IMPA2: variants seen among roughly 807,000 people sequenced by gnomAD.
The protein encoded by IMPA2 is inositol monophosphatase 2.
Under a neutral mutation model 35.1 loss-of-function variants are expected in IMPA2, and 32 were observed. The observed-to-expected ratio is 0.91, with a 90% CI of 0.69 to 1.23. The LOEUF (loss-of-function observed/expected upper bound fraction) is 1.23, where lower values mean the gene tolerates loss of function less well. Among genes scored for constraint, IMPA2 ranks in the 50% most tolerant of loss-of-function variants. The probability of loss-of-function intolerance (pLI) is 0.00; values close to 1 mark genes in which losing one functional copy is unlikely to be tolerated. For missense variants in IMPA2, 334 were observed against 387.6 expected (o/e 0.86, Z 1.16); for synonymous variants, 135 against 160.6 (o/e 0.84, Z 1.20).
At chr18:12,019,923 C>T (rs929276971) in intron 5 of IMPA2, among the ~76,000 whole-genome samples, 13 of 152,124 alleles carry the variant, frequency 8.5e-5, no homozygotes, top group African/African-American at 1.7e-4. Context: ...TTGCCCAGTC[C>T]GGAGTGTAGT....
At chr18:11,985,269 A>C (rs573053566) in intron 1 of IMPA2, among the ~76,000 whole-genome samples, 2 of 152,186 alleles carry the variant, frequency 1.3e-5, no homozygotes, top group African/African-American at 4.8e-5. Context: ...AAATACTGCA[A>C]ATATCACGAA....
intron 1 of IMPA2, among the ~76,000 whole-genome samples, chr18:11,997,772 T>C (rs1298032097): frequency 6.6e-6 from 1 of 152,138 alleles, no homozygotes; most frequent in Non-Finnish European, 1.5e-5. Context: ...AAATACAGGA[T>C]TCTGGGATGT....
At position 11,995,663 on chromosome 18, in the gene IMPA2, G is replaced by GGAGA. The variant is rs542857957; in HGVS notation, c.97-3389_97-3386dup. Reference sequence around the variant, plus strand: ...TTAGGAAGTGCGTCTGGCTGTGCCGGGAGAGTGGGTCTGAGTGCAGGAAGC... The same window carrying GGAGA: ...TTAGGAAGTGCGTCTGGCTGTGCCGGGAGAGAGAGTGGGTCTGAGTGCAGGAAGC... On this transcript the variant is annotated intron_variant, in intron 1 of 7. Coordinates refer to ENST00000269159, the MANE Select transcript of IMPA2 (RefSeq NM_014214.3). 4.7e-4 allele frequency among the ~76,000 whole-genome samples: 72 copies of GGAGA among 152,278 alleles called. 3 individuals are homozygous for GGAGA. In the East Asian group the frequency reaches 0.014, roughly 29 times the overall value.
At chr18:12,014,511 T>C in intron 5 of IMPA2, 138 bp downstream of exon 5, 1 of 564,544 alleles carries the variant, frequency 1.8e-6, no homozygotes, top group Non-Finnish European at 3.1e-6. Context: ...ATCGTGTCCC[T>C]GATGAACTGG....
chr18:12,005,274 A>G (rs1907219248), intron 2 of IMPA2, among the ~76,000 whole-genome samples: 1 of 152,216 alleles, frequency 6.6e-6, no homozygotes, highest in African/African-American at 2.4e-5. Flanking sequence ...TCAGCTGCTG[A>G]AAAACATCCA....
intron 1 of IMPA2, among the ~76,000 whole-genome samples, chr18:11,996,127 G>GT (rs1324983571): frequency 6.6e-6 from 1 of 152,194 alleles, no homozygotes; most frequent in East Asian, 1.9e-4. Flanking sequence ...ATGGGATATG[G>GT]TAAGTTGTAG....
At chr18:12,030,304 TG>T (rs1908010121) in intron 7 of IMPA2, 38 bp from the exon 8 acceptor site, 1 of 1,503,300 alleles carries the variant, frequency 6.7e-7, no homozygotes, top group Non-Finnish European at 9.3e-7. Flanking sequence ...CAGCCCTCTC[TG>T]GTAACCCGGA....
chr18:11,983,637 A>T (rs1013015337), intron 1 of IMPA2, among the ~76,000 whole-genome samples: 1 of 152,160 alleles, frequency 6.6e-6, no homozygotes, highest in African/African-American at 2.4e-5. Context: ...AGCTTTTTTT[A>T]AACGCTGGAG....
At chr18:12,018,985 G>A (rs1054293317) in intron 5 of IMPA2, among the ~76,000 whole-genome samples, 18 of 151,892 alleles carry the variant, frequency 1.2e-4, no homozygotes, top group African/African-American at 4.4e-4. Flanking sequence ...CACCATGCCC[G>A]GATAATTTAA....
At chr18:12,029,117 T>TC in intron 7 of IMPA2, 124 bp downstream of exon 7, 1 of 890,582 alleles carries the variant, frequency 1.1e-6, no homozygotes. Flanking sequence ...TGTTTTTTTT[T>TC]TTTTTTTTTT....
At chr18:11,987,471 C>T (rs1321492871) in intron 1 of IMPA2, among the ~76,000 whole-genome samples, 1 of 152,200 alleles carries the variant, frequency 6.6e-6, no homozygotes, top group Non-Finnish European at 1.5e-5. Context: ...GCTGGGTCTA[C>T]AGGCATGCGC....
intron 1 of IMPA2, among the ~76,000 whole-genome samples, chr18:11,993,573 C>T (rs1348292570): frequency 1.3e-5 from 2 of 152,206 alleles, no homozygotes; most frequent in East Asian, 3.9e-4. Context: ...AGCTCCCAAC[C>T]TGGAGGAGTG....
At chr18:11,983,735 TC>T (rs1329061099) in intron 1 of IMPA2, among the ~76,000 whole-genome samples, 2 of 152,082 alleles carry the variant, frequency 1.3e-5, no homozygotes, top group Admixed American at 1.3e-4. Context: ...TGCTGATGCT[TC>T]CTGCCTGCCG....
chr18:12,012,240 G>A (rs1329783868), intron 4 of IMPA2, 25 bp downstream of exon 4: 1 of 1,608,378 alleles, frequency 6.2e-7, no homozygotes, highest in South Asian at 1.1e-5. Context: ...CAGGTCCCCA[G>A]GGCCCCTCCC....
chr18:12,023,259 T>C (rs565896947), intron 5 of IMPA2, among the ~76,000 whole-genome samples: 1 of 152,178 alleles, frequency 6.6e-6, no homozygotes, highest in African/African-American at 2.4e-5. Flanking sequence ...CCAGACAAGC[T>C]TGGGTGTAAG....
chr18:12,007,635 CTTTCT>C (rs781529110), intron 2 of IMPA2, among the ~76,000 whole-genome samples: 1 of 50,064 alleles, frequency 2.0e-5, no homozygotes, highest in Non-Finnish European at 4.7e-5. Context: ...TTTCTTCTTT[CTTTCT>C]TTCTTTCTTT....
chr18:11,999,475 G>A (rs1301287200), intron 2 of IMPA2, among the ~76,000 whole-genome samples: 1 of 152,220 alleles, frequency 6.6e-6, no homozygotes, highest in Non-Finnish European at 1.5e-5. Context: ...TTGCACCCCT[G>A]TACTCAACCA....
At chr18:12,026,313 G>A (rs1907881486) in intron 5 of IMPA2, among the ~76,000 whole-genome samples, 4 of 152,312 alleles carry the variant, frequency 2.6e-5, no homozygotes, top group African/African-American at 4.8e-5. Context: ...GATTACAGGC[G>A]TGAGCCATCG....
intron 2 of IMPA2, among the ~76,000 whole-genome samples, chr18:12,008,862 G>A (rs1035118289): frequency 6.6e-6 from 1 of 152,174 alleles, no homozygotes; most frequent in African/African-American, 2.4e-5. Flanking sequence ...AGGATTGTAG[G>A]GGGCCTTGTT....
Sources: allele counts gnomAD v4.1 joint callset (sites outside exome capture counted in the v4.1 genomes callset), GRCh38; gene constraint gnomAD v4.1.1; transcripts MANE v1.5; gene names NCBI Gene and HGNC (gene_info 2026-07-23, HGNC 2026-07-21).